Variants in SPIDR observed in about 807,000 individuals in gnomAD.
SPIDR encodes the protein DNA repair-scaffolding protein.
Under a neutral mutation model 104.6 loss-of-function variants are expected in SPIDR, and 93 were observed. The ratio of observed to expected loss-of-function variants is 0.89; its 90% CI spans 0.75 to 1.06. The LOEUF is 1.06. SPIDR is among the 50% of genes least tolerant of loss of function. The pLI is 0.00. For synonymous variants in SPIDR, 431 were observed against 416.9 expected, an observed-to-expected ratio of 1.03 and a Z score of -0.41; for missense variants, 1,154 against 1,111.2, an observed-to-expected ratio of 1.04 and a Z score of -0.55.
At chr8:47,447,259 GC>G (rs1230884452) in intron 8 of SPIDR, among the ~76,000 whole-genome samples, 2 of 152,178 alleles carry the variant, frequency 1.3e-5, no homozygotes, top group Non-Finnish European at 2.9e-5. Context: ...TGTCAGCCAG[GC>G]TGAAGCGCAG....
chr8:47,505,135 G>A (rs1271028143), intron 8 of SPIDR, among the ~76,000 whole-genome samples: 1 of 152,156 alleles, frequency 6.6e-6, no homozygotes, highest in Non-Finnish European at 1.5e-5. Context: ...TGAGTGCTGG[G>A]AGAACCACTA....
chr8:47,682,255 A>G (rs1199561663), intron 11 of SPIDR, among the ~76,000 whole-genome samples: 1 of 134,548 alleles, frequency 7.4e-6, no homozygotes, highest in African/African-American at 2.9e-5. Flanking sequence ...TGCTAAGTCC[A>G]AAAAAAAAAA....
chr8:47,714,436 A>T (rs1233685705), intron 16 of SPIDR, among the ~76,000 whole-genome samples: 1 of 152,186 alleles, frequency 6.6e-6, no homozygotes, highest in South Asian at 2.1e-4. Flanking sequence ...TTTTACATAC[A>T]TCTGAGATGT....
chr8:47,554,100 C>G (rs768412562), intron 8 of SPIDR, among the ~76,000 whole-genome samples: 4 of 152,090 alleles, frequency 2.6e-5, no homozygotes, highest in Admixed American at 6.6e-5. Context: ...CTGCCTGATC[C>G]TTCCTCTCAG....
At chr8:47,387,195 A>G (rs782524962) in intron 5 of SPIDR, among the ~76,000 whole-genome samples, 2 of 152,232 alleles carry the variant, frequency 1.3e-5, no homozygotes, top group African/African-American at 4.8e-5. Flanking sequence ...ACCTGAAAGC[A>G]CGTCAGAAGC....
chr8:47,531,239 A>G (rs1008332247), intron 8 of SPIDR, among the ~76,000 whole-genome samples: 1 of 152,198 alleles, frequency 6.6e-6, no homozygotes, highest in African/African-American at 2.4e-5. Flanking sequence ...GAGATACACA[A>G]ACATTAGCCT....
intron 8 of SPIDR, among the ~76,000 whole-genome samples, chr8:47,556,480 C>G (rs2091338645): frequency 6.6e-6 from 1 of 152,232 alleles, no homozygotes; most frequent in Non-Finnish European, 1.5e-5. Context: ...GGTTAGCCAG[C>G]AACCTATAAT....
intron 8 of SPIDR, among the ~76,000 whole-genome samples, chr8:47,593,458 C>G (rs944082004): frequency 6.6e-6 from 1 of 152,066 alleles, no homozygotes; most frequent in Non-Finnish European, 1.5e-5. Context: ...GCTTTAGAAT[C>G]TTTGCCAGAT....
At chr8:47,478,692 C>A (rs1393688939) in intron 8 of SPIDR, among the ~76,000 whole-genome samples, 8 of 152,198 alleles carry the variant, frequency 5.3e-5, no homozygotes, top group African/African-American at 1.9e-4. Flanking sequence ...TCAGTGTTCA[C>A]AGATACTCAT....
At chr8:47,532,409 G>A (rs2086180788) in intron 8 of SPIDR, among the ~76,000 whole-genome samples, 1 of 152,150 alleles carries the variant, frequency 6.6e-6, no homozygotes, top group Non-Finnish European at 1.5e-5. Flanking sequence ...ACTACAAGTT[G>A]CCTATAAGAA....
chr8:47,490,011 TTAAAC>T (rs1192489430), intron 8 of SPIDR, among the ~76,000 whole-genome samples: 3 of 152,154 alleles, frequency 2.0e-5, no homozygotes, highest in Non-Finnish European at 4.4e-5. Flanking sequence ...TGGGGTCTAA[TTAAAC>T]TAAAGAGCTT....
At chr8:47,284,465 A>G (rs967251938) in intron 3 of SPIDR, among the ~76,000 whole-genome samples, 1 of 152,170 alleles carries the variant, frequency 6.6e-6, no homozygotes, top group Non-Finnish European at 1.5e-5. Flanking sequence ...TGCCATAAGA[A>G]CTATACTGCT....
At chr8:47,691,636 T>C (rs1200918662) in intron 11 of SPIDR, among the ~76,000 whole-genome samples, 1 of 152,224 alleles carries the variant, frequency 6.6e-6, no homozygotes, top group Non-Finnish European at 1.5e-5. Context: ...CCCAAGGAAG[T>C]ATTTTTCTTT....
At chr8:47,497,830 C>T (rs903537372) in intron 8 of SPIDR, among the ~76,000 whole-genome samples, 1 of 152,072 alleles carries the variant, frequency 6.6e-6, no homozygotes, top group Non-Finnish European at 1.5e-5. Flanking sequence ...TCTGGTCTTT[C>T]GACAGCTGTT....
chr8:47,263,341 A>G (rs1001108456), intron 1 of SPIDR, among the ~76,000 whole-genome samples: 3 of 151,954 alleles, frequency 2.0e-5, no homozygotes, highest in African/African-American at 7.3e-5. Context: ...GTAATTGCGT[A>G]TGTTCTTGGT....
intron 16 of SPIDR, among the ~76,000 whole-genome samples, chr8:47,716,254 C>G (rs779649143): frequency 9.2e-5 from 14 of 152,176 alleles, no homozygotes; most frequent in Non-Finnish European, 1.8e-4. Flanking sequence ...ACCACGGCAC[C>G]CAGCCGGTTC....
intron 8 of SPIDR, among the ~76,000 whole-genome samples, chr8:47,574,798 A>T (rs183223640): frequency 6.6e-6 from 1 of 151,964 alleles, no homozygotes; most frequent in African/African-American, 2.4e-5. Flanking sequence ...AAAGTTTTAC[A>T]TATGAACAGT....
intron 11 of SPIDR, among the ~76,000 whole-genome samples, chr8:47,688,015 A>AGTG (rs1563546666): frequency 1.6e-5 from 1 of 62,462 alleles, no homozygotes. Context: ...CAAAAAAAAA[A>AGTG]AGTGTGTGTG....
intron 10 of SPIDR, among the ~76,000 whole-genome samples, chr8:47,601,947 G>C (rs911694586): frequency 3.9e-5 from 6 of 152,158 alleles, no homozygotes; most frequent in Non-Finnish European, 5.9e-5. Context: ...CAGTGATAAT[G>C]ATCAGGCTCT....
Sources: gnomAD v4.1 joint callset for allele counts (sites outside exome capture counted in the v4.1 genomes callset) on GRCh38, gnomAD v4.1.1 for gene constraint, MANE v1.5 for transcripts, NCBI Gene and HGNC (gene_info 2026-07-23, HGNC 2026-07-21) for gene names.